PLD1: variants seen among roughly 807,000 people sequenced by gnomAD.
PLD1 encodes phospholipase D1, also known as choline phosphatase 1.
In PLD1, 112 loss-of-function variants were observed where a neutral mutation model predicts 137.1. The ratio of observed to expected loss-of-function variants is 0.82; its 90% CI spans 0.70 to 0.96. The LOEUF is 0.96. Ranked by LOEUF, PLD1 falls within the 40% of genes least tolerant of loss-of-function variation. The pLI, the probability that PLD1 is intolerant of heterozygous loss-of-function variation, is 0.00. For synonymous variants in PLD1, 431 were observed against 454.7 expected (o/e 0.95, Z 0.66); for missense variants, 1,321 against 1,342.0 (o/e 0.98, Z 0.24).
At chr3:171,678,647 C>T (rs753798020) in intron 16 of PLD1, among the ~76,000 whole-genome samples, 2 of 152,184 alleles carry the variant, frequency 1.3e-5, no homozygotes, top group Non-Finnish European at 2.9e-5. Context: ...CTACACTGGT[C>T]CTGCCACCAA....
chr3:171,621,079 G>A (rs1242490057), intron 23 of PLD1, among the ~76,000 whole-genome samples: 2 of 151,986 alleles, frequency 1.3e-5, no homozygotes. Flanking sequence ...AAATAAAAAT[G>A]TTGGCAATGA....
chr3:171,770,888 C>CAAAAAA (rs34683994), intron 1 of PLD1, among the ~76,000 whole-genome samples: 25 of 40,830 alleles, frequency 6.1e-4, no homozygotes, highest in African/African-American at 1.4e-3. Flanking sequence ...AACCCTATCT[C>CAAAAAA]AAAAAAAAAA....
At chr3:171,631,429 C>T (rs1264373198) in intron 23 of PLD1, among the ~76,000 whole-genome samples, 1 of 149,094 alleles carries the variant, frequency 6.7e-6, no homozygotes, top group East Asian at 1.9e-4. Context: ...GAGATATCCA[C>T]ATGACAAGAA....
intron 16 of PLD1, among the ~76,000 whole-genome samples, chr3:171,680,989 T>C (rs546208265): frequency 1.4e-4 from 22 of 152,346 alleles, no homozygotes; most frequent in Admixed American, 1.2e-3. Flanking sequence ...TTCCAACATT[T>C]AATGGAAGAG....
intron 1 of PLD1, among the ~76,000 whole-genome samples, chr3:171,770,797 G>A (rs993033393): frequency 1.1e-4 from 16 of 150,516 alleles, no homozygotes; most frequent in African/African-American, 3.9e-4. Context: ...GTTGAGGTGG[G>A]AGGATCGCTT....
At chr3:171,711,777 A>T (rs1315071957) in intron 9 of PLD1, among the ~76,000 whole-genome samples, 1 of 149,928 alleles carries the variant, frequency 6.7e-6, no homozygotes, top group South Asian at 2.1e-4. Flanking sequence ...TCTGTCACTC[A>T]TAACTAAACT....
At chr3:171,656,497 T>C (rs781297771) in intron 21 of PLD1, among the ~76,000 whole-genome samples, 1 of 152,206 alleles carries the variant, frequency 6.6e-6, no homozygotes, top group Non-Finnish European at 1.5e-5. Context: ...GAAGTCCAGA[T>C]TTTTAAAGAC....
At chr3:171,771,780 A>G (rs1321677910) in intron 1 of PLD1, among the ~76,000 whole-genome samples, 1 of 152,266 alleles carries the variant, frequency 6.6e-6, no homozygotes, top group Non-Finnish European at 1.5e-5. Flanking sequence ...AAATGTAGAT[A>G]GTATTACTAT....
In PLD1 at chr3:171,640,377, A is replaced by C. The variant is rs372261249; in HGVS notation, c.2593+2463T>G. Among the ~76,000 whole-genome samples, 11 of 152,142 alleles carry C rather than the reference A, an allele frequency of 7.2e-5. No homozygotes were observed. In the South Asian group the frequency reaches 8.3e-4, roughly 12 times the overall value. Reference sequence around the variant, plus strand: ...GGATATGCTGTTTTCATTTTCATTCATCTCAAAATATTTTCTACTCTCCTT... The same window carrying C: ...GGATATGCTGTTTTCATTTTCATTCCTCTCAAAATATTTTCTACTCTCCTT... On this transcript the variant is annotated intron_variant, in intron 23 of 26. Coordinates refer to ENST00000351298, the MANE Select transcript of PLD1 (RefSeq NM_002662.5).
intron 1 of PLD1, chr3:171,793,041 G>T: frequency 4.4e-6 from 1 of 226,410 alleles, no homozygotes. Context: ...ACACAAACCA[G>T]TGAAATTTGC....
chr3:171,645,154 T>G, intron 21 of PLD1, 131 bp from the exon 22 acceptor site: 1 of 668,360 alleles, frequency 1.5e-6, no homozygotes, highest in South Asian at 1.7e-5. Context: ...CTGTCACATT[T>G]CAGGACTTGG....
At chr3:171,703,424 T>C (rs1379605374) in intron 11 of PLD1, among the ~76,000 whole-genome samples, 1 of 152,204 alleles carries the variant, frequency 6.6e-6, no homozygotes, top group East Asian at 1.9e-4. Flanking sequence ...CATAATCATC[T>C]ATAGGACAAC....
At chr3:171,665,869 T>C (rs936019553) in intron 19 of PLD1, among the ~76,000 whole-genome samples, 4 of 152,180 alleles carry the variant, frequency 2.6e-5, no homozygotes, top group East Asian at 1.9e-4. Context: ...AAGCCCCGTA[T>C]CCTTTACTTA....
At chr3:171,683,764 C>A (rs1476504502) in intron 16 of PLD1, among the ~76,000 whole-genome samples, 1 of 152,216 alleles carries the variant, frequency 6.6e-6, no homozygotes, top group African/African-American at 2.4e-5. Context: ...TAGTTAATTG[C>A]ACTTCATCTG....
chr3:171,639,604 ATATATATTATATATAATATATATTCT>A (rs1735513955), intron 23 of PLD1, among the ~76,000 whole-genome samples: 1 of 80,362 alleles, frequency 1.2e-5, no homozygotes, highest in Non-Finnish European at 2.1e-5. Context: ...TATTCATATA[ATATATATTATATATAATATATATTCT>A]ATATAATATA....
intron 23 of PLD1, among the ~76,000 whole-genome samples, chr3:171,635,255 CA>C (rs1299343989): frequency 6.6e-6 from 1 of 152,012 alleles, no homozygotes; most frequent in Non-Finnish European, 1.5e-5. Flanking sequence ...TTTGTGTGGA[CA>C]TTTGTTTTTA....
chr3:171,603,588 A>G (rs1303479855), intron 26 of PLD1, among the ~76,000 whole-genome samples: 2 of 152,202 alleles, frequency 1.3e-5, no homozygotes, highest in African/African-American at 4.8e-5. Flanking sequence ...GATAATAATC[A>G]TCCCTGAATT....
At chr3:171,728,453 G>A (rs765567912) in intron 6 of PLD1, among the ~76,000 whole-genome samples, 1 of 152,160 alleles carries the variant, frequency 6.6e-6, no homozygotes, top group Non-Finnish European at 1.5e-5. Flanking sequence ...ATGGGTTATT[G>A]GAAATGATTC....
intron 9 of PLD1, among the ~76,000 whole-genome samples, chr3:171,712,228 CAG>C (rs767173151): frequency 3.1e-4 from 47 of 152,250 alleles, no homozygotes; most frequent in South Asian, 1.5e-3. Flanking sequence ...GCTGTGGAGA[CAG>C]GGGAGGAGAG....
Sources: allele counts gnomAD v4.1 joint callset (sites outside exome capture counted in the v4.1 genomes callset), GRCh38; gene constraint gnomAD v4.1.1; transcripts MANE v1.5; gene names NCBI Gene and HGNC (gene_info 2026-07-23, HGNC 2026-07-21).